The following GRIA1 variants were observed in gnomAD, a reference collection of about 807,000 sequenced individuals.
The protein encoded by GRIA1 is glutamate receptor 1.
Under a neutral mutation model 99.2 loss-of-function variants are expected in GRIA1, and 31 were observed. That is an observed-to-expected ratio of 0.31 (90% CI 0.23 to 0.42). The LOEUF is 0.42. Among genes scored for constraint, GRIA1 ranks in the 10% least tolerant of loss-of-function variants. The pLI is 1.00. For synonymous variants in GRIA1, 438 were observed against 432.4 expected (o/e 1.01, Z -0.16); for missense variants, 782 against 1,157.5 (o/e 0.68, Z 4.71).
intron 2 of GRIA1, among the ~76,000 whole-genome samples, chr5:153,563,794 G>A (rs747628023): frequency 1.3e-5 from 2 of 152,152 alleles, no homozygotes; most frequent in African/African-American, 2.4e-5. Context: ...AAATGTCTGG[G>A]TTGCAGAAAG....
chr5:153,796,033 C>G (rs1043151396), intron 14 of GRIA1, among the ~76,000 whole-genome samples: 1 of 117,426 alleles, frequency 8.5e-6, no homozygotes, highest in Non-Finnish European at 1.7e-5. Context: ...TTTTTTTGGA[C>G]AAGTCAGACA....
At chr5:153,612,360 A>G (rs557499850) in intron 2 of GRIA1, among the ~76,000 whole-genome samples, 20 of 152,362 alleles carry the variant, frequency 1.3e-4, no homozygotes, top group African/African-American at 4.6e-4. Context: ...CTATTAACCA[A>G]CCTCATGTCA....
intron 4 of GRIA1, 100 bp from the exon 5 acceptor site, chr5:153,655,719 C>T (rs144905934): frequency 7.5e-6 from 7 of 928,516 alleles, no homozygotes; most frequent in Admixed American, 1.7e-5. Context: ...TAGGGTAGGG[C>T]ACATTGTAAG....
At chr5:153,495,381 A>G (rs1754313121) in intron 2 of GRIA1, among the ~76,000 whole-genome samples, 1 of 152,174 alleles carries the variant, frequency 6.6e-6, no homozygotes, top group Admixed American at 6.5e-5. Flanking sequence ...GCTACAACAG[A>G]TTATATAACT....
At chr5:153,513,671 G>A (rs1756327896) in intron 2 of GRIA1, among the ~76,000 whole-genome samples, 1 of 152,150 alleles carries the variant, frequency 6.6e-6, no homozygotes, top group African/African-American at 2.4e-5. Flanking sequence ...ATGACCCTGA[G>A]TACTTTAATA....
chr5:153,530,515 C>A (rs1182747372), intron 2 of GRIA1, among the ~76,000 whole-genome samples: 2 of 152,170 alleles, frequency 1.3e-5, no homozygotes, highest in African/African-American at 4.8e-5. Context: ...CAGCTGTGAG[C>A]CCTGCAGATT....
chr5:153,608,684 A>G (rs1030481870), intron 2 of GRIA1, among the ~76,000 whole-genome samples: 4 of 152,158 alleles, frequency 2.6e-5, no homozygotes, highest in African/African-American at 7.2e-5. Context: ...TATGAAATTT[A>G]TGTCTGTAAT....
Position 153,762,022 on chromosome 5 carries a change from G to A in GRIA1, c.1824-2412G>A, listed in dbSNP as rs1763218851. 2.0e-5 allele frequency among the ~76,000 whole-genome samples: 3 copies of A among 152,160 alleles called. No homozygotes were observed. In the South Asian group the frequency reaches 6.2e-4, roughly 32 times the overall value. On this transcript the variant is annotated intron_variant, in intron 11 of 15. Transcript: ENST00000285900. ...GGTTCCAGAGGCTGGGGAAGTGAGG[G>A]GGAGGGGTGATGGGAAGAGATTTGT...
intron 11 of GRIA1, among the ~76,000 whole-genome samples, chr5:153,716,098 ATAG>A (rs1180456768): frequency 6.6e-6 from 1 of 152,246 alleles, no homozygotes; most frequent in Admixed American, 6.5e-5. Context: ...TGCTGGAAAA[ATAG>A]TAGCAAAAAT....
At chr5:153,592,246 CAG>C (rs1764037253) in intron 2 of GRIA1, among the ~76,000 whole-genome samples, 2 of 152,220 alleles carry the variant, frequency 1.3e-5, no homozygotes, top group African/African-American at 4.8e-5. Flanking sequence ...TGGTAAAGGT[CAG>C]AGAGTGTCCC....
At chr5:153,514,736 T>C (rs1165026778) in intron 2 of GRIA1, among the ~76,000 whole-genome samples, 1 of 152,202 alleles carries the variant, frequency 6.6e-6, no homozygotes, top group Non-Finnish European at 1.5e-5. Context: ...GATGTTGGAA[T>C]TTTGACAGAG....
At chr5:153,651,350 G>T (rs1754561050) in intron 4 of GRIA1, among the ~76,000 whole-genome samples, 1 of 152,100 alleles carries the variant, frequency 6.6e-6, no homozygotes, top group African/African-American at 2.4e-5. Context: ...CTATAAACAG[G>T]CATTGTAACT....
chr5:153,779,818 C>T (rs1203518804), intron 13 of GRIA1, among the ~76,000 whole-genome samples: 1 of 152,178 alleles, frequency 6.6e-6, no homozygotes, highest in Admixed American at 6.5e-5. Context: ...CCTCGGCCTC[C>T]CAAAGTGCTG....
intron 2 of GRIA1, among the ~76,000 whole-genome samples, chr5:153,629,265 G>A (rs113674749): frequency 3.9e-5 from 6 of 152,036 alleles, no homozygotes; most frequent in Non-Finnish European, 7.3e-5. Context: ...CATGCAGCTC[G>A]TGCTTCCACA....
chr5:153,791,092 G>GC (rs764140988), intron 13 of GRIA1, among the ~76,000 whole-genome samples: 1 of 151,418 alleles, frequency 6.6e-6, no homozygotes, highest in Non-Finnish European at 1.5e-5. Flanking sequence ...AACCAGAATC[G>GC]CCCCCGGGCC....
intron 2 of GRIA1, among the ~76,000 whole-genome samples, chr5:153,629,830 C>T (rs1255887751): frequency 6.6e-6 from 1 of 152,186 alleles, no homozygotes; most frequent in Non-Finnish European, 1.5e-5. Context: ...TTATTAGTGG[C>T]TCATAAGTGT....
rs147714908 is a variant in GRIA1, at chr5:153,676,764, G to A, written c.862-230G>A. On this transcript the variant is annotated intron_variant, in intron 6 of 15. Coordinates refer to ENST00000285900, the MANE Select transcript of GRIA1 (RefSeq NM_000827.4). ...TGGCAGTACTGAACTCACAGTTCAA[G>A]GAGGTCAGCATTGACTAGCATGGTC... Among the ~76,000 whole-genome samples the A allele has an allele frequency of 5.1e-3, 770 of 152,274 alleles. 3 individuals are homozygous for A. The highest frequency in any genetic ancestry group is 8.2e-3 in the Non-Finnish European group (560 of 68,026).
chr5:153,674,305 C>G (rs1756410461), intron 5 of GRIA1, among the ~76,000 whole-genome samples, 195 bp from the exon 6 acceptor site: 1 of 152,198 alleles, frequency 6.6e-6, no homozygotes, highest in Non-Finnish European at 1.5e-5. Flanking sequence ...ACTAGGCATA[C>G]TGGCTCCTGA....
chr5:153,597,850 A>AG (rs1037692470), intron 2 of GRIA1, among the ~76,000 whole-genome samples: 18 of 151,846 alleles, frequency 1.2e-4, no homozygotes, highest in African/African-American at 4.8e-5. Context: ...TCTAAAAAAA[A>AG]AAAAAAAATT....
Sources: gnomAD v4.1 joint callset for allele counts (sites outside exome capture counted in the v4.1 genomes callset) on GRCh38, gnomAD v4.1.1 for gene constraint, MANE v1.5 for transcripts, NCBI Gene and HGNC (gene_info 2026-07-23, HGNC 2026-07-21) for gene names.